Variants in TRPM3 observed in about 807,000 individuals in gnomAD.
The protein encoded by TRPM3 is long transient receptor potential channel 3.
Under a neutral mutation model 181.2 loss-of-function variants are expected in TRPM3, and 77 were observed. That is an observed-to-expected ratio of 0.42 (90% CI 0.35 to 0.51). The LOEUF is 0.51. Ranked by LOEUF, TRPM3 falls within the 20% of genes least tolerant of loss-of-function variation. The pLI is 0.01. For synonymous variants in TRPM3, 745 were observed against 796.4 expected (o/e 0.94, Z 1.09); for missense variants, 1,759 against 2,196.7 (o/e 0.80, Z 3.98).
upstream of TRPM3, among the ~76,000 whole-genome samples, chr9:71,124,502 T>G (rs1396435228): frequency 1.3e-5 from 2 of 152,134 alleles, no homozygotes; most frequent in East Asian, 3.9e-4. Context: ...CATATCAGAT[T>G]TCTGTATTCC....
intron 1 of TRPM3, among the ~76,000 whole-genome samples, chr9:71,279,873 T>A (rs1233477518): frequency 6.6e-6 from 1 of 151,838 alleles, no homozygotes; most frequent in Non-Finnish European, 1.5e-5. Flanking sequence ...AGGTCAGGAG[T>A]TCGAGACCAG....
intron 1 of TRPM3, among the ~76,000 whole-genome samples, chr9:71,068,570 G>A (rs935511499): frequency 1.4e-4 from 21 of 152,196 alleles, no homozygotes; most frequent in African/African-American, 4.8e-4. Flanking sequence ...AGTGTGGCCC[G>A]GGAATTACTG....
chr9:70,738,301 C>T lies in TRPM3; in HGVS notation c.1272+23300G>A, dbSNP rs139480082. On this transcript the variant is annotated intron_variant, in intron 8 of 25. Coordinates refer to ENST00000677713, the MANE Select transcript of TRPM3 (RefSeq NM_001366145.2). The stretch of plus-strand genomic sequence containing the variant: ...GGTGAACCATAAAATCAAGATGGAC[C>T]CACCAACTCATGGGTGCAGCGCACC... 2.3e-3 allele frequency among the ~76,000 whole-genome samples: 352 copies of T among 152,032 alleles called. 2 individuals are homozygous for T. The highest frequency in any genetic ancestry group is 8.1e-3 in the African/African-American group (338 of 41,484).
chr9:71,420,721 AAG>A (rs760245264), intron 1 of TRPM3, among the ~76,000 whole-genome samples: 1,693 of 76,620 alleles, frequency 0.022, 94 homozygotes, highest in African/African-American at 0.052. Flanking sequence ...GAAAGAGAGA[AAG>A]AGAGAGAGAG....
At chr9:71,025,142 C>T (rs773532362) in intron 1 of TRPM3, among the ~76,000 whole-genome samples, 17 of 152,192 alleles carry the variant, frequency 1.1e-4, no homozygotes, top group Non-Finnish European at 2.2e-4. Context: ...AAAAATGTAT[C>T]ATAGGTAATG....
chr9:70,673,829 A>T lies in TRPM3; in HGVS notation c.1345+7677T>A, dbSNP rs549121090. Among the ~76,000 whole-genome samples, 8 of 151,908 alleles carry T rather than the reference A, an allele frequency of 5.3e-5. No individual in the cohort carries two copies. In the South Asian group the frequency reaches 1.7e-3, roughly 32 times the overall value. ...CTGGGCATGGTGGTGGGCACCTGTAATTCCAGCTACTCGGGAGGCTGAGGC... is the reference window on the plus strand; with the variant it reads ...CTGGGCATGGTGGTGGGCACCTGTATTTCCAGCTACTCGGGAGGCTGAGGC... On this transcript the variant is annotated intron_variant, in intron 9 of 25. Coordinates refer to ENST00000677713, the MANE Select transcript of TRPM3 (RefSeq NM_001366145.2).
chr9:71,338,219 C>T (rs557984731), intron 1 of TRPM3, among the ~76,000 whole-genome samples: 1 of 152,264 alleles, frequency 6.6e-6, no homozygotes, highest in African/African-American at 2.4e-5. Flanking sequence ...CATCTAACGA[C>T]TCAGAGATGT....
intron 1 of TRPM3, among the ~76,000 whole-genome samples, chr9:71,317,682 C>T (rs1442905078): frequency 5.3e-5 from 8 of 150,662 alleles, no homozygotes; most frequent in Non-Finnish European, 1.2e-4. Context: ...TATATATACA[C>T]ACACACACAC....
chr9:70,861,031 T>C (rs2132357275), intron 3 of TRPM3, among the ~76,000 whole-genome samples: 1 of 152,288 alleles, frequency 6.6e-6, no homozygotes, highest in Admixed American at 6.5e-5. Flanking sequence ...CATTCTTCGC[T>C]TCTAACCTCC....
Position 70,552,855 on chromosome 9 carries a change from T to G in TRPM3, c.3563A>C (p.Asp1188Ala), listed in dbSNP as rs1564289870. 6.2e-7 allele frequency: 1 copy of G among 1,613,976 alleles called. No homozygotes were observed. The highest frequency in any genetic ancestry group is 2.2e-5 in the East Asian group (1 of 44,882). Reference sequence around the variant, plus strand: ...CGCTTGAAGCTTACTCAGGCCGTAGTCCCTTTCATCCGGGTCGCTCTCGTG... The same window carrying G: ...CGCTTGAAGCTTACTCAGGCCGTAGGCCCTTTCATCCGGGTCGCTCTCGTG... ...RKHESDPDER[D>A]YGLKLFITDD... The change falls in exon 24 of 26, where the codon GAC (aspartate) becomes GCC (alanine). Residue 1188 changes from aspartate to alanine, a missense_variant. Physicochemically the swap from Asp to Ala is moderately radical, Grantham distance 126. This residue lies in a region of TRPM3 where 96 missense variants were observed against 129.6 expected (regional missense o/e 0.74). Transcript: ENST00000677713.
intron 7 of TRPM3, among the ~76,000 whole-genome samples, chr9:70,763,424 C>T (rs1252383077): frequency 6.6e-6 from 1 of 152,002 alleles, no homozygotes; most frequent in Non-Finnish European, 1.5e-5. Flanking sequence ...GGTGGGAGGA[C>T]CACTTCAGCC....
At position 70,985,142 on chromosome 9, in the gene TRPM3, G is replaced by A. The variant is rs528357671; in HGVS notation, c.178-120631C>T. 5.1e-4 allele frequency among the ~76,000 whole-genome samples: 77 copies of A among 152,310 alleles called. 1 individual carries two copies. Among genetic ancestry groups the A allele is most frequent in the African/African-American group, 1.4e-3 (60 of 41,574 alleles). On this transcript the variant is annotated intron_variant, in intron 1 of 25. Transcript: ENST00000677713. ...TTACCTATGGGGGTTAGGGATAGCT[G>A]TACTGCAGCAGAGGCAATTGGAGCC... is the stretch of plus-strand genomic sequence containing the variant.
chr9:70,583,242 A>G (rs939623112), intron 22 of TRPM3, among the ~76,000 whole-genome samples: 2 of 152,142 alleles, frequency 1.3e-5, no homozygotes, highest in Non-Finnish European at 2.9e-5. Context: ...GGGCTGGAGG[A>G]GAGAAAAAAG....
intron 7 of TRPM3, chr9:70,776,320 TG>T (rs1239358991): frequency 3.4e-6 from 2 of 589,352 alleles, no homozygotes; most frequent in Non-Finnish European, 6.1e-6. Flanking sequence ...CGAAGGAAGC[TG>T]GGGTAGGACA....
chr9:70,565,413 C>A (rs1255047792), intron 22 of TRPM3, among the ~76,000 whole-genome samples: 1 of 152,092 alleles, frequency 6.6e-6, no homozygotes. Context: ...CCTGCCTCAG[C>A]CTCCCAAGTA....
At chr9:71,282,214 AAGG>A (rs1213959588) in intron 1 of TRPM3, among the ~76,000 whole-genome samples, 3 of 125,588 alleles carry the variant, frequency 2.4e-5, no homozygotes, top group African/African-American at 1.1e-4. Flanking sequence ...GAAAGAAAGA[AAGG>A]AAAGAAAGAA....
chr9:70,942,308 A>C (rs906472143), intron 1 of TRPM3, among the ~76,000 whole-genome samples: 44 of 152,204 alleles, frequency 2.9e-4, no homozygotes, highest in Non-Finnish European at 1.0e-4. Flanking sequence ...CCGTTGAATT[A>C]ATCTTTCAGG....
intron 9 of TRPM3, among the ~76,000 whole-genome samples, chr9:70,666,216 C>A (rs971757209): frequency 1.3e-5 from 2 of 152,196 alleles, no homozygotes; most frequent in African/African-American, 2.4e-5. Flanking sequence ...CAGGCAGAAG[C>A]CTTAGCAAGG....
chr9:71,043,974 A>G (rs976513729), intron 1 of TRPM3, among the ~76,000 whole-genome samples: 8 of 152,014 alleles, frequency 5.3e-5, no homozygotes, highest in Non-Finnish European at 1.2e-4. Context: ...CTTATTTTCT[A>G]TAATTTTGTA....
Sources: gnomAD v4.1 joint callset for allele counts (sites outside exome capture counted in the v4.1 genomes callset) on GRCh38, gnomAD v4.1.1 for gene constraint, gnomAD v4.1.1 regional missense constraint, MANE v1.5 for transcripts, NCBI Gene and HGNC (gene_info 2026-07-23, HGNC 2026-07-21) for gene names.